The following CDH2 variants were observed in gnomAD, a reference collection of about 807,000 sequenced individuals.
The protein encoded by CDH2 is cadherin 2.
In CDH2, 17 loss-of-function variants were observed where a neutral mutation model predicts 92.0. The ratio of observed to expected loss-of-function variants is 0.18; its 90% confidence interval spans 0.13 to 0.28. CDH2 has a LOEUF of 0.28. CDH2 is among the 10% of genes least tolerant of loss of function. The pLI, the probability that CDH2 is intolerant of heterozygous loss-of-function variation, is 1.00. For missense variants in CDH2, 862 were observed against 1,133.1 expected, an observed-to-expected ratio of 0.76 and a Z score of 3.44; for synonymous variants, 419 against 415.9, an observed-to-expected ratio of 1.01 and a Z score of -0.09.
intron 2 of CDH2, among the ~76,000 whole-genome samples, chr18:28,119,323 T>A (rs1181849800): frequency 6.6e-6 from 1 of 152,040 alleles, no homozygotes; most frequent in South Asian, 2.1e-4. Flanking sequence ...AGGACCACCA[T>A]ATGGGGAGCT....
chr18:28,037,221 A>G lies in CDH2; in HGVS notation c.173-23312T>C, dbSNP rs181128628. On this transcript the variant is annotated intron_variant, in intron 2 of 15. Coordinates refer to ENST00000269141, the MANE Select transcript of CDH2 (RefSeq NM_001792.5). ...ATAAATAAAGAAATGCATTTTATGT[A>G]AAATGAAAGATGCTCTAAGTGCAAA... is the stretch of plus-strand genomic sequence containing the variant. Among the ~76,000 whole-genome samples the G allele has an allele frequency of 2.0e-3, 312 of 152,326 alleles. 2 individuals are homozygous for G. Among genetic ancestry groups the G allele is most frequent in the South Asian group, 7.5e-3 (36 of 4,830 alleles).
chr18:27,964,759 C>T (rs1403568695), intron 14 of CDH2, among the ~76,000 whole-genome samples: 1 of 152,030 alleles, frequency 6.6e-6, no homozygotes, highest in Non-Finnish European at 1.5e-5. Flanking sequence ...TTCAAATAAC[C>T]CAAGTAAGTC....
chr18:28,079,975 T>C (rs1009057040), intron 2 of CDH2, among the ~76,000 whole-genome samples: 18 of 152,192 alleles, frequency 1.2e-4, no homozygotes, highest in Admixed American at 4.6e-4. Flanking sequence ...ATTTAACACA[T>C]GAATTGAAAT....
intron 2 of CDH2, among the ~76,000 whole-genome samples, chr18:28,035,016 A>G (rs990609209): frequency 6.6e-6 from 1 of 152,058 alleles, no homozygotes; most frequent in Admixed American, 6.6e-5. Flanking sequence ...TTTCAAGACA[A>G]CTAAGGACGC....
intron 2 of CDH2, among the ~76,000 whole-genome samples, chr18:28,042,622 A>G (rs2013969870): frequency 6.6e-6 from 1 of 152,206 alleles, no homozygotes; most frequent in Non-Finnish European, 1.5e-5. Context: ...GGGATACTGC[A>G]GTGAACAAAA....
chr18:28,127,988 C>T (rs1481591798), intron 2 of CDH2, among the ~76,000 whole-genome samples: 1 of 152,042 alleles, frequency 6.6e-6, no homozygotes, highest in Non-Finnish European at 1.5e-5. Flanking sequence ...GTTTAGATAA[C>T]AATAAAAAGA....
intron 2 of CDH2, among the ~76,000 whole-genome samples, chr18:28,039,261 G>A (rs1385520020): frequency 6.6e-6 from 1 of 152,098 alleles, no homozygotes; most frequent in Non-Finnish European, 1.5e-5. Flanking sequence ...GCGCGGCATA[G>A]GGAAGGGCAA....
At chr18:28,136,845 T>C (rs2015871282) in intron 2 of CDH2, among the ~76,000 whole-genome samples, 1 of 152,130 alleles carries the variant, frequency 6.6e-6, no homozygotes, top group East Asian at 1.9e-4. Flanking sequence ...CGGAATTCAC[T>C]TGAGAAAATA....
intron 7 of CDH2, among the ~76,000 whole-genome samples, chr18:27,999,740 A>G (rs2012706228): frequency 6.6e-6 from 1 of 151,676 alleles, no homozygotes; most frequent in Non-Finnish European, 1.5e-5. Context: ...ATATATATAT[A>G]CATTTTTTTT....
At position 28,046,557 on chromosome 18, in the gene CDH2, A is replaced by C. The variant is rs1034027152; in HGVS notation, c.173-32648T>G. On this transcript the variant is annotated intron_variant, in intron 2 of 15. Coordinates refer to ENST00000269141, the MANE Select transcript of CDH2 (RefSeq NM_001792.5). The stretch of plus-strand genomic sequence containing the variant: ...AGAAAAATCATATATTACTGAATCA[A>C]ATTAAGTTACAAGACTCAGTGCTGA... Among the ~76,000 whole-genome samples the C allele has an allele frequency of 5.3e-5, 8 of 152,126 alleles. No individual in the cohort carries two copies. The East Asian group carries it at 1.5e-3, about 29-fold the overall frequency.
chr18:28,117,443 C>T (rs1482400685), intron 2 of CDH2, among the ~76,000 whole-genome samples: 1 of 152,152 alleles, frequency 6.6e-6, no homozygotes, highest in Admixed American at 6.6e-5. Flanking sequence ...AACAGCTTCA[C>T]TTGTGAGCTG....
At chr18:28,134,135 C>CAAAAAAAAAAAAAAAAAAAAAAA (rs34083301) in intron 2 of CDH2, among the ~76,000 whole-genome samples, 1 of 91,606 alleles carries the variant, frequency 1.1e-5, no homozygotes, top group Non-Finnish European at 2.1e-5. Flanking sequence ...ACTAAATTTA[C>CAAAAAAAAAAAAAAAAAAAAAAA]AAAAAAAAAA....
At chr18:28,106,410 G>C (rs1217308750) in intron 2 of CDH2, among the ~76,000 whole-genome samples, 1 of 149,944 alleles carries the variant, frequency 6.7e-6, no homozygotes, top group Non-Finnish European at 1.5e-5. Flanking sequence ...GAGTGAGATT[G>C]CATTTCAAGA....
intron 1 of CDH2, among the ~76,000 whole-genome samples, chr18:28,165,948 G>A: frequency 6.6e-6 from 1 of 150,780 alleles, no homozygotes; most frequent in Non-Finnish European, 1.5e-5. Context: ...CAAAATCCAG[G>A]GGACAAAATA....
At chr18:27,982,459 G>T (rs1358816680) in intron 14 of CDH2, among the ~76,000 whole-genome samples, 1 of 152,222 alleles carries the variant, frequency 6.6e-6, no homozygotes, top group East Asian at 1.9e-4. Flanking sequence ...TATTTCACAA[G>T]AATGTAAGAC....
intron 2 of CDH2, among the ~76,000 whole-genome samples, chr18:28,068,203 A>G (rs2014547302): frequency 6.6e-6 from 1 of 152,350 alleles, no homozygotes; most frequent in Admixed American, 6.5e-5. Context: ...GCGAAAGAGC[A>G]AAGAGAAGAT....
At chr18:27,939,582 G>A (rs17445468) in intron 6 of CDH2, among the ~76,000 whole-genome samples, 4,562 of 152,150 alleles carry the variant, frequency 0.03, 82 homozygotes, top group South Asian at 0.05. Context: ...CTTCCTGTGC[G>A]TTGCAGATGT....
intron 2 of CDH2, among the ~76,000 whole-genome samples, chr18:28,125,138 A>G (rs143989368): frequency 6.6e-6 from 1 of 152,322 alleles, no homozygotes; most frequent in African/African-American, 2.4e-5. Context: ...CTAAAGGTCA[A>G]GAAGACAGAA....
chr18:27,955,538 G>T (rs1909670045), intron 15 of CDH2, among the ~76,000 whole-genome samples: 1 of 151,690 alleles, frequency 6.6e-6, no homozygotes, highest in Non-Finnish European at 1.5e-5. Flanking sequence ...ATAAACACAA[G>T]AAGGGGTCTG....
Sources: gnomAD v4.1 joint callset for allele counts (sites outside exome capture counted in the v4.1 genomes callset) on GRCh38, gnomAD v4.1.1 for gene constraint, MANE v1.5 for transcripts, NCBI Gene and HGNC (gene_info 2026-07-23, HGNC 2026-07-21) for gene names.